Variants in ASXL3 observed in about 807,000 individuals in gnomAD.
ASXL3 encodes the protein putative Polycomb group protein ASXL3.
A neutral mutation model predicts 170.6 loss-of-function variants in ASXL3; 34 were observed. That is an observed-to-expected ratio of 0.20 (90% CI 0.15 to 0.27). The LOEUF is 0.27. Ranked by LOEUF, ASXL3 falls within the 10% of genes least tolerant of loss-of-function variation. ASXL3 has a pLI of 1.00. For synonymous variants in ASXL3, 1,002 were observed against 989.1 expected (o/e 1.01, Z -0.24); for missense variants, 2,592 against 2,695.3 (o/e 0.96, Z 0.85).
intron 7 of ASXL3, among the ~76,000 whole-genome samples, chr18:33,675,610 A>G (rs2066412802): frequency 6.6e-6 from 1 of 152,150 alleles, no homozygotes; most frequent in Non-Finnish European, 1.5e-5. Flanking sequence ...AAGGATAGAA[A>G]ATTCTTCTGA....
At chr18:33,590,447 A>G (rs1460899968) in intron 1 of ASXL3, among the ~76,000 whole-genome samples, 1 of 152,148 alleles carries the variant, frequency 6.6e-6, no homozygotes, top group East Asian at 1.9e-4. Context: ...ACAAAAAAGC[A>G]CCAATAAAAG....
chr18:33,699,551 A>T (rs769062772), intron 8 of ASXL3, among the ~76,000 whole-genome samples: 4 of 152,142 alleles, frequency 2.6e-5, no homozygotes, highest in Admixed American at 6.6e-5. Flanking sequence ...GATGTGGTTC[A>T]CTGGTGATCT....
At chr18:33,684,047 A>G (rs1367516901) in intron 8 of ASXL3, among the ~76,000 whole-genome samples, 1 of 152,200 alleles carries the variant, frequency 6.6e-6, no homozygotes, top group Non-Finnish European at 1.5e-5. Context: ...ATCACCTTTT[A>G]CCATTTTTAA....
intron 10 of ASXL3, among the ~76,000 whole-genome samples, 172 bp downstream of exon 10, chr18:33,734,587 A>C (rs897020253): frequency 2.6e-5 from 4 of 152,132 alleles, no homozygotes; most frequent in African/African-American, 9.7e-5. Flanking sequence ...TCAGCACTCA[A>C]ATTTTTAAAA....
chr18:33,726,797 C>G (rs922736404), intron 8 of ASXL3, among the ~76,000 whole-genome samples: 1 of 152,154 alleles, frequency 6.6e-6, no homozygotes, highest in African/African-American at 2.4e-5. Flanking sequence ...CCTCCAAAGG[C>G]TTTCCAGCCC....
intron 1 of ASXL3, among the ~76,000 whole-genome samples, chr18:33,587,639 G>A (rs769294964): frequency 2.0e-5 from 3 of 152,028 alleles, no homozygotes; most frequent in Non-Finnish European, 4.4e-5. Context: ...TCTTCTCCCT[G>A]TCATTCTTAC....
At chr18:33,668,163 C>T (rs1292710076) in intron 5 of ASXL3, among the ~76,000 whole-genome samples, 1 of 152,080 alleles carries the variant, frequency 6.6e-6, no homozygotes, top group South Asian at 2.1e-4. Context: ...CTATAAAATT[C>T]TTCTGTAATC....
At chr18:33,640,674 A>G (rs754928428) in intron 2 of ASXL3, among the ~76,000 whole-genome samples, 1 of 152,100 alleles carries the variant, frequency 6.6e-6, no homozygotes, top group African/African-American at 2.4e-5. Flanking sequence ...CCTGAGACCC[A>G]CCTAACTTAC....
In ASXL3 at chr18:33,738,908, T is replaced by C. The variant is rs773730408; in HGVS notation, c.1504T>C (p.Cys502Arg). 3.1e-6 allele frequency: 5 copies of C among 1,613,472 alleles called. No homozygotes were observed. The South Asian group carries it at 5.5e-5, about 18-fold the overall frequency. The part of the protein sequence containing the change: ...IAPPEDNLES[C>R]VMMNDVLETL... The stretch of plus-strand genomic sequence containing the variant: ...ACCTCCTGAAGATAACTTGGAATCC[T>C]GTGTTATGATGAATGATGTTTTAGA... The change falls in exon 11 of 12, where the codon TGT becomes CGT. Residue 502 changes from cysteine to arginine, a missense_variant. Coordinates refer to ENST00000269197, the MANE Select transcript of ASXL3 (RefSeq NM_030632.3).
chr18:33,633,502 T>G (rs1189798685), intron 2 of ASXL3, among the ~76,000 whole-genome samples: 1 of 152,162 alleles, frequency 6.6e-6, no homozygotes, highest in Non-Finnish European at 1.5e-5. Flanking sequence ...CATTAATGCC[T>G]TATACATCTT....
intron 2 of ASXL3, among the ~76,000 whole-genome samples, chr18:33,633,770 G>A (rs938578191): frequency 1.1e-4 from 17 of 150,396 alleles, no homozygotes; most frequent in African/African-American, 2.7e-4. Flanking sequence ...ACTTGAACCC[G>A]GGAGGCAGAG....
intron 11 of ASXL3, among the ~76,000 whole-genome samples, chr18:33,741,215 T>A (rs2067655963): frequency 2.0e-5 from 3 of 152,194 alleles, no homozygotes; most frequent in African/African-American, 7.2e-5. Context: ...ATAGGAGATA[T>A]TTTTAAACAT....
intron 5 of ASXL3, among the ~76,000 whole-genome samples, chr18:33,662,081 G>A (rs1243645924): frequency 1.3e-5 from 2 of 152,040 alleles, no homozygotes; most frequent in Admixed American, 6.6e-5. Context: ...TATGTTTTTT[G>A]TGCTTATCTG....
chr18:33,715,226 C>T (rs889586239), intron 8 of ASXL3, among the ~76,000 whole-genome samples: 2 of 152,158 alleles, frequency 1.3e-5, no homozygotes, highest in Admixed American at 6.5e-5. Flanking sequence ...TATCTTGAGT[C>T]TACTTGACCT....
intron 8 of ASXL3, among the ~76,000 whole-genome samples, chr18:33,694,129 G>A (rs1452622765): frequency 6.6e-6 from 1 of 152,120 alleles, no homozygotes; most frequent in African/African-American, 2.4e-5. Flanking sequence ...TTGGTCAGTG[G>A]TAGCAGATAG....
At chr18:33,659,989 T>A (rs2066145460) in intron 4 of ASXL3, among the ~76,000 whole-genome samples, 1 of 152,136 alleles carries the variant, frequency 6.6e-6, no homozygotes, top group Admixed American at 6.6e-5. Context: ...TTCAGTATCA[T>A]GCAACTAAAT....
intron 10 of ASXL3, among the ~76,000 whole-genome samples, chr18:33,734,656 C>T (rs1026430198): frequency 3.3e-5 from 5 of 152,066 alleles, no homozygotes; most frequent in African/African-American, 1.2e-4. Context: ...CTGAAAATAG[C>T]ACATGAAATC....
At chr18:33,719,338 T>C (rs73955191) in intron 8 of ASXL3, among the ~76,000 whole-genome samples, 4,055 of 152,056 alleles carry the variant, frequency 0.027, 99 homozygotes, top group South Asian at 0.1. Context: ...TCCACACGCA[T>C]GCACCTAGAA....
intron 9 of ASXL3, among the ~76,000 whole-genome samples, 169 bp from the exon 10 acceptor site, chr18:33,734,141 A>AGCATTTAG (rs1555741115): frequency 2.0e-4 from 31 of 151,610 alleles, no homozygotes; most frequent in African/African-American, 6.1e-4. Flanking sequence ...ATTTTTATGA[A>AGCATTTAG]CATCTTGAGT....
Sources: gnomAD v4.1 joint callset for allele counts (sites outside exome capture counted in the v4.1 genomes callset) on GRCh38, gnomAD v4.1.1 for gene constraint, MANE v1.5 for transcripts, NCBI Gene and HGNC (gene_info 2026-07-23, HGNC 2026-07-21) for gene names.